The following MYO5B variants were observed in gnomAD, a reference collection of about 807,000 sequenced individuals.
The protein encoded by MYO5B is unconventional myosin-Vb.
Under a neutral mutation model 229.3 loss-of-function variants are expected in MYO5B, and 143 were observed. The observed-to-expected ratio is 0.62, with a 90% CI of 0.54 to 0.72. MYO5B has a LOEUF of 0.72. Ranked by LOEUF, MYO5B falls within the 30% of genes least tolerant of loss-of-function variation. The pLI is 0.00. For synonymous variants in MYO5B, 918 were observed against 885.2 expected (o/e 1.04, Z -0.66); for missense variants, 2,321 against 2,331.0 (o/e 1.00, Z 0.09).
chr18:50,102,920 CT>C (rs111661597), intron 1 of MYO5B, among the ~76,000 whole-genome samples: 6 of 149,928 alleles, frequency 4.0e-5, no homozygotes, highest in East Asian at 1.9e-4. Flanking sequence ...AGAGGGAGTC[CT>C]TTTTTTTTTC....
Position 49,875,361 on chromosome 18 carries a change from TCTG to T in MYO5B, c.3537+323_3537+325del, listed in dbSNP as rs1483913180. Among the ~76,000 whole-genome samples, 6 of 152,264 alleles carry T rather than the reference TCTG, an allele frequency of 3.9e-5. No homozygotes were observed. The East Asian group carries it at 1.2e-3, about 29-fold the overall frequency. The stretch of plus-strand genomic sequence containing the variant: ...AGGTCATCTCTGTGTACATTTGACT[TCTG>T]CTGTATTTACACTCTTATTACACAC... On this transcript the variant is annotated intron_variant, in intron 26 of 39. Transcript: ENST00000285039.
chr18:50,016,960 C>G (rs1171320377), intron 4 of MYO5B, among the ~76,000 whole-genome samples: 1 of 151,076 alleles, frequency 6.6e-6, no homozygotes, highest in Admixed American at 6.6e-5. Context: ...CACCCCATCT[C>G]TACCCCTATC....
chr18:50,101,720 T>C (rs989942020), intron 1 of MYO5B, among the ~76,000 whole-genome samples: 1 of 152,140 alleles, frequency 6.6e-6, no homozygotes, highest in Non-Finnish European at 1.5e-5. Flanking sequence ...ATGGTGATTA[T>C]TAAAAAGTAA....
At chr18:50,129,905 G>C (rs979406261) in intron 1 of MYO5B, among the ~76,000 whole-genome samples, 2 of 152,194 alleles carry the variant, frequency 1.3e-5, no homozygotes, top group Admixed American at 1.3e-4. Context: ...AACATGAAGT[G>C]CTTCTTTAGA....
intron 1 of MYO5B, among the ~76,000 whole-genome samples, chr18:50,075,242 T>C (rs957835205): frequency 1.3e-5 from 2 of 152,106 alleles, no homozygotes; most frequent in Admixed American, 1.3e-4. Context: ...GAGGGGTCTC[T>C]TGGGATTCCA....
intron 17 of MYO5B, among the ~76,000 whole-genome samples, chr18:49,920,804 C>T (rs868317783): frequency 6.6e-6 from 1 of 152,166 alleles, no homozygotes; most frequent in South Asian, 2.1e-4. Context: ...GTCTCAGGCT[C>T]TGACTTAATA....
intron 1 of MYO5B, among the ~76,000 whole-genome samples, chr18:50,076,614 G>A (rs746081194): frequency 2.2e-4 from 34 of 152,108 alleles, no homozygotes; most frequent in Admixed American, 6.5e-4. Context: ...AAGGGGATCC[G>A]GCAGTTGGTC....
intron 39 of MYO5B, 57 bp from the exon 40 acceptor site, chr18:49,826,680 A>G: frequency 6.3e-7 from 1 of 1,595,064 alleles, no homozygotes; most frequent in Non-Finnish European, 8.6e-7. Flanking sequence ...TAGCCAGTTT[A>G]AGTGAATTCA....
chr18:50,189,211 C>A (rs950120245), intron 1 of MYO5B, among the ~76,000 whole-genome samples: 1 of 152,174 alleles, frequency 6.6e-6, no homozygotes, highest in African/African-American at 2.4e-5. Flanking sequence ...CTCCTAGAAT[C>A]TGATCCTGAG....
At chr18:49,971,509 A>T (rs1410738979) in intron 10 of MYO5B, among the ~76,000 whole-genome samples, 1 of 152,160 alleles carries the variant, frequency 6.6e-6, no homozygotes, top group African/African-American at 2.4e-5. Flanking sequence ...CTGACCTGAT[A>T]GATTAGAAAG....
At chr18:50,103,874 G>A (rs914822436) in intron 1 of MYO5B, among the ~76,000 whole-genome samples, 1 of 151,984 alleles carries the variant, frequency 6.6e-6, no homozygotes, top group Non-Finnish European at 1.5e-5. Flanking sequence ...GTTCCAAATG[G>A]GTAGGGCAAG....
rs2029975998 is a variant in MYO5B, at chr18:50,040,332, G to A, written c.139-18C>T. 6.2e-7 allele frequency: 1 copy of A among 1,612,984 alleles called. No individual in the cohort carries two copies. The highest frequency in any genetic ancestry group is 8.5e-7 in the Non-Finnish European group (1 of 1,179,104). On this transcript the variant is annotated intron_variant, in intron 2 of 39. Coordinates refer to ENST00000285039, the MANE Select transcript of MYO5B (RefSeq NM_001080467.3). ...TCCAGAATCTAAAGACATGCAAGTAGCAGACACAAAAAGGTGGTTATGAAG... is the reference window on the plus strand; with the variant it reads ...TCCAGAATCTAAAGACATGCAAGTAACAGACACAAAAAGGTGGTTATGAAG...
intron 4 of MYO5B, among the ~76,000 whole-genome samples, chr18:50,016,514 T>G (rs1466423321): frequency 6.6e-6 from 1 of 152,210 alleles, no homozygotes; most frequent in Non-Finnish European, 1.5e-5. Context: ...TATTCACACC[T>G]ACCTCTGCCC....
In MYO5B at chr18:49,937,544, C is replaced by T; in HGVS notation, c.1753-147G>A. ...CACACCAACCTGCACAGCAGCGTTA[C>T]TCCCAAAAGCGCCACAAGGTAGGAA... On this transcript the variant is annotated intron_variant, in intron 14 of 39. Coordinates refer to ENST00000285039, the MANE Select transcript of MYO5B (RefSeq NM_001080467.3). 5 of 944,082 alleles carry T rather than the reference C, an allele frequency of 5.3e-6. No individual in the cohort carries two copies. The South Asian group carries it at 6.2e-5, about 12-fold the overall frequency. The allele number at this position is 944,082 out of a possible 1,614,324, so 58.5% of individuals were successfully genotyped here.
At chr18:50,009,309 C>T (rs541716740) in intron 4 of MYO5B, among the ~76,000 whole-genome samples, 2 of 152,174 alleles carry the variant, frequency 1.3e-5, no homozygotes, top group East Asian at 3.9e-4. Flanking sequence ...GCCCGGGAGG[C>T]GGAGGTTGCA....
intron 2 of MYO5B, among the ~76,000 whole-genome samples, chr18:50,050,453 G>A (rs896002959): frequency 3.9e-5 from 6 of 152,232 alleles, no homozygotes; most frequent in African/African-American, 9.6e-5. Flanking sequence ...TTAGGACCTT[G>A]CTATAATGTC....
intron 1 of MYO5B, among the ~76,000 whole-genome samples, chr18:50,116,274 A>AC (rs2031960784): frequency 6.6e-6 from 1 of 152,162 alleles, no homozygotes; most frequent in Non-Finnish European, 1.5e-5. Context: ...TAGGCGGAGT[A>AC]CTTGAGGGAT....
chr18:49,846,179 A>T (rs1184628693), intron 33 of MYO5B, among the ~76,000 whole-genome samples: 1 of 152,172 alleles, frequency 6.6e-6, no homozygotes, highest in Admixed American at 6.5e-5. Context: ...ACCCTGATGA[A>T]CTTTGACAGT....
At chr18:50,088,037 A>G (rs1445997037) in intron 1 of MYO5B, among the ~76,000 whole-genome samples, 3 of 152,174 alleles carry the variant, frequency 2.0e-5, no homozygotes, top group African/African-American at 7.2e-5. Flanking sequence ...CAAAGCTTTG[A>G]AGGATGTAGA....
Sources: allele counts gnomAD v4.1 joint callset (sites outside exome capture counted in the v4.1 genomes callset), GRCh38; gene constraint gnomAD v4.1.1; transcripts MANE v1.5; gene names NCBI Gene and HGNC (gene_info 2026-07-23, HGNC 2026-07-21).